The following SMARCA4 variants were observed in gnomAD, a reference collection of about 807,000 sequenced individuals.
SMARCA4 encodes SWI/SNF related BAF chromatin remodeling complex subunit ATPase 4, also known as SWI/SNF-related matrix-associated actin-dependent regulator of chromatin subfamily A member 4.
In SMARCA4, 31 loss-of-function variants were observed where a neutral mutation model predicts 193.9. That is an observed-to-expected ratio of 0.16 (90% confidence interval 0.12 to 0.22). The LOEUF (loss-of-function observed/expected upper bound fraction) is 0.22, where lower values mean the gene tolerates loss of function less well. Among genes scored for constraint, SMARCA4 ranks in the 10% least tolerant of loss-of-function variants. The pLI, the probability that SMARCA4 is intolerant of heterozygous loss-of-function variation, is 1.00. For synonymous variants in SMARCA4, 942 were observed against 933.1 expected (o/e 1.01, Z -0.17); for missense variants, 1,148 against 2,296.0 (o/e 0.50, Z 10.22).
At position 10,994,862 on chromosome 19, in the gene SMARCA4, A is replaced by G; in HGVS notation, c.1454A>G (p.Asp485Gly). The change falls in exon 9 of 35, where the codon GAT (aspartate) becomes GGT (glycine). Residue 485 changes from aspartate to glycine, a missense_variant. Transcript: ENST00000344626. ...YLNSILQHAK[D>G]FKEYHRSVTG... The stretch of plus-strand genomic sequence containing the variant: ...AATAGCATTCTCCAGCATGCCAAGG[A>G]TTTCAAGGAATATCACAGATCCGTC... 6.2e-7 allele frequency: 1 copy of G among 1,614,156 alleles called. No homozygotes were observed.
chr19:10,987,009 C>T lies in SMARCA4; in HGVS notation c.859+6C>T, dbSNP rs1185878570. ...TCCCAAGCCCTGGCCTGAAGGTGAG[C>T]TCCCTCTTCTATGGTGGTGCACCCG... On this transcript the variant is annotated splice_donor_region_variant and intron_variant, in intron 5 of 34. Coordinates refer to ENST00000344626, the MANE Select transcript of SMARCA4 (RefSeq NM_003072.5). This position sits in a 1 kb window ranked among gnomAD's most constrained non-coding sequence, Gnocchi z 5.3. 6.3e-7 allele frequency: 1 copy of T among 1,595,006 alleles called. No individual in the cohort carries two copies. The highest frequency in any genetic ancestry group is 1.1e-5 in the South Asian group (1 of 90,834).
Position 11,007,967 on chromosome 19 carries a change from G to T in SMARCA4, c.2067G>T (p.Lys689Asn). The change falls in exon 14 of 35, where the codon AAG becomes AAT. Residue 689 changes from lysine to asparagine, a missense_variant. By Grantham distance (94) the Lys-to-Asn change is moderately conservative. This residue lies in a region of SMARCA4 where 115 missense variants were observed against 175.1 expected (regional missense o/e 0.66). Coordinates refer to ENST00000344626, the MANE Select transcript of SMARCA4 (RefSeq NM_003072.5). ...CCCTGCCCGTGGAGGAGAAGAAGAA[G>T]ATTCCAGATCCAGACAGCGATGACG... ...PPTLPVEEKK[K>N]IPDPDSDDVS... 1.9e-6 allele frequency: 3 copies of T among 1,613,864 alleles called. No individual in the cohort carries two copies. Among genetic ancestry groups the T allele is most frequent in the South Asian group, 2.2e-5 (2 of 91,070 alleles).
chr19:11,055,008 A>G (rs2076462155), intron 30 of SMARCA4, among the ~76,000 whole-genome samples: 2 of 152,076 alleles, frequency 1.3e-5, no homozygotes, highest in African/African-American at 4.8e-5. Context: ...CCTCTTTAAT[A>G]TAGAGGTGAG....
chr19:10,988,888 G>T (rs1406250348), intron 6 of SMARCA4, among the ~76,000 whole-genome samples: 5 of 152,114 alleles, frequency 3.3e-5, no homozygotes, highest in Non-Finnish European at 5.9e-5. Context: ...CATAACCTTC[G>T]CATGTAACCT....
intron 32 of SMARCA4, 46 bp from the exon 33 acceptor site, chr19:11,059,707 C>G (rs1189196318): frequency 1.3e-6 from 2 of 1,548,526 alleles, no homozygotes. Flanking sequence ...GGCAGGCAGC[C>G]CTCCAGTCGG....
At position 11,041,150 on chromosome 19, in the gene SMARCA4, T is replaced by C. The variant is rs1413948892; in HGVS notation, c.4171-157T>C. ...CTGCAGCCCAGGCACCCCTTGAGAG[T>C]CCCAGTGTGTGTTATGCCCCGAGCC... On this transcript the variant is annotated intron_variant, in intron 29 of 34. Coordinates refer to ENST00000344626, the MANE Select transcript of SMARCA4 (RefSeq NM_003072.5). This position sits in a 1 kb window ranked among gnomAD's most constrained non-coding sequence, Gnocchi z 5.6. 18 of 738,696 alleles carry C rather than the reference T, an allele frequency of 2.4e-5. No individual in the cohort carries two copies. Among genetic ancestry groups the C allele is most frequent in the Non-Finnish European group, 3.8e-5 (17 of 444,258 alleles). The allele number at this position is 738,696 out of a possible 1,614,324, so 45.8% of individuals were successfully genotyped here.
chr19:11,009,890 T>C lies in SMARCA4; in HGVS notation c.2124-491T>C, dbSNP rs533981581. On this transcript the variant is annotated intron_variant, in intron 14 of 34. Coordinates refer to ENST00000344626, the MANE Select transcript of SMARCA4 (RefSeq NM_003072.5). The stretch of plus-strand genomic sequence containing the variant: ...TTTTAGTAGAGACGGGGTTTCACCA[T>C]GTTGGCCAGGCTGGTCTAGAATTCC... Among the ~76,000 whole-genome samples, 8 of 152,214 alleles carry C rather than the reference T, an allele frequency of 5.3e-5. No individual in the cohort carries two copies. The South Asian group carries it at 8.3e-4, about 16-fold the overall frequency.
Position 10,984,166 on chromosome 19 carries a change from C to G in SMARCA4, c.15C>G (p.Asp5Glu), listed in dbSNP as rs1309825975. MSTP[D>E]PPLGGTPRPG... ...CTCCCGTGAAGATGTCCACTCCAGA[C>G]CCACCCCTGGGCGGAACTCCTCGGC... The change falls in exon 2 of 35, where the codon GAC (aspartate) becomes GAG (glutamate). Residue 5 changes from aspartate (D) to glutamate (E), a missense_variant. By Grantham distance (45) the Asp-to-Glu change is conservative. Coordinates refer to ENST00000344626, the MANE Select transcript of SMARCA4 (RefSeq NM_003072.5). The surrounding 1 kb of genome is among the most constrained non-coding windows in gnomAD (Gnocchi z 4.3). 1 of 1,613,618 alleles carries G rather than the reference C, an allele frequency of 6.2e-7. No homozygotes were observed. Among genetic ancestry groups the G allele is most frequent in the Non-Finnish European group, 8.5e-7 (1 of 1,179,884 alleles).
intron 29 of SMARCA4, chr19:11,039,535 C>T (rs1412738014): frequency 6.2e-7 from 1 of 1,601,408 alleles, no homozygotes; most frequent in Non-Finnish European, 8.5e-7. Flanking sequence ...GCCTTCAGTT[C>T]TGCACACGTG....
intron 34 of SMARCA4, chr19:11,060,437 G>A (rs981489786): frequency 6.8e-6 from 4 of 589,688 alleles, no homozygotes; most frequent in East Asian, 2.9e-5. Context: ...TGGGGGACAC[G>A]TGAGTCCTCA....
At chr19:10,998,462 A>G (rs1182666196) in intron 11 of SMARCA4, among the ~76,000 whole-genome samples, 1 of 148,886 alleles carries the variant, frequency 6.7e-6, no homozygotes, top group Non-Finnish European at 1.5e-5. Flanking sequence ...CTCTGTAACT[A>G]TGTTGTAACT....
Position 10,988,747 on chromosome 19 carries a change from C to G in SMARCA4, c.1119-570C>G, listed in dbSNP as rs373144996. The stretch of plus-strand genomic sequence containing the variant: ...AAATCTCCTTTATGGCCTGTGTTTT[C>G]TAATGAGACTGAGAGTTCCTTGCTT... On this transcript the variant is annotated intron_variant, in intron 6 of 34. Coordinates refer to ENST00000344626, the MANE Select transcript of SMARCA4 (RefSeq NM_003072.5). Among the ~76,000 whole-genome samples the G allele has an allele frequency of 1.7e-3, 259 of 152,200 alleles. 1 individual carries two copies. The highest frequency in any genetic ancestry group is 6.8e-3 in the Middle Eastern group (2 of 294).
intron 14 of SMARCA4, 68 bp downstream of exon 14, chr19:11,008,091 G>A (rs1236310982): frequency 6.5e-7 from 1 of 1,531,194 alleles, no homozygotes. Flanking sequence ...GGAGTGGCTA[G>A]AATCCCAGCC....
At chr19:11,004,313 G>A (rs1409366114) in intron 13 of SMARCA4, among the ~76,000 whole-genome samples, 3 of 147,982 alleles carry the variant, frequency 2.0e-5, no homozygotes, top group African/African-American at 7.5e-5. Flanking sequence ...GCAGTGGCGC[G>A]ATCTCGCTCA....
intron 24 of SMARCA4, among the ~76,000 whole-genome samples, chr19:11,028,713 G>A (rs896800992): frequency 6.6e-6 from 1 of 152,240 alleles, no homozygotes; most frequent in Non-Finnish European, 1.5e-5. Context: ...GCTCAGGGAG[G>A]AGAGGCTGTG....
intron 30 of SMARCA4, among the ~76,000 whole-genome samples, chr19:11,042,430 G>C (rs140172333): frequency 6.6e-6 from 1 of 152,344 alleles, no homozygotes; most frequent in Non-Finnish European, 1.5e-5. Flanking sequence ...CCTGGCCCAG[G>C]ACTCACCCAG....
intron 23 of SMARCA4, among the ~76,000 whole-genome samples, chr19:11,026,914 T>G (rs1220085077): frequency 6.6e-6 from 1 of 152,190 alleles, no homozygotes; most frequent in Admixed American, 6.5e-5. Flanking sequence ...GCTCTGTGAC[T>G]CTAGACAGCT....
At chr19:11,056,209 T>G (rs532492750) in intron 30 of SMARCA4, 2 of 152,326 alleles carry the variant, frequency 1.3e-5, no homozygotes, top group East Asian at 1.9e-4. Flanking sequence ...AGTCGTGTCT[T>G]TCTCCAGGGT....
At position 11,058,721 on chromosome 19, in the gene SMARCA4, A is replaced by G; in HGVS notation, c.4534-67A>G. On this transcript the variant is annotated intron_variant, in intron 31 of 34. Transcript: ENST00000344626. This position sits in a 1 kb window ranked among gnomAD's most constrained non-coding sequence, Gnocchi z 5.8. ...TCCTAGCCCGTGGGGTCTCCAGCAC[A>G]CAGCCAGGCCTGCGGGCAGGCGAGG... The G allele has an allele frequency of 7.3e-6, 10 of 1,370,808 alleles. No homozygotes were observed. The highest frequency in any genetic ancestry group is 1.0e-5 in the Non-Finnish European group (10 of 960,074). The allele number at this position is 1,370,808 out of a possible 1,614,324, so 84.9% of individuals were successfully genotyped here. A position where few individuals can be genotyped will look rare whatever the true frequency, so the allele number is the denominator to read the frequency against.
Sources: gnomAD v4.1 joint callset for allele counts (sites outside exome capture counted in the v4.1 genomes callset) on GRCh38, gnomAD v4.1.1 for gene constraint, gnomAD v4.1.1 regional missense constraint, Gnocchi (gnomAD v3.1) non-coding constraint, MANE v1.5 for transcripts, NCBI Gene and HGNC (gene_info 2026-07-23, HGNC 2026-07-21) for gene names.